The following DCC variants were observed in gnomAD, a reference collection of about 807,000 sequenced individuals.
The protein encoded by DCC is netrin receptor DCC.
DCC carries 58 observed loss-of-function variants against 172.5 expected under a neutral mutation model. The observed-to-expected ratio is 0.34, with a 90% CI of 0.27 to 0.42. DCC has a LOEUF of 0.42. DCC is among the 10% of genes least tolerant of loss of function. The pLI is 1.00. For synonymous variants in DCC, 709 were observed against 644.5 expected (o/e 1.10, Z -1.52); for missense variants, 1,740 against 1,791.0 (o/e 0.97, Z 0.51).
intron 15 of DCC, among the ~76,000 whole-genome samples, chr18:53,360,411 G>A (rs926317727): frequency 1.3e-5 from 2 of 152,008 alleles, no homozygotes; most frequent in African/African-American, 4.8e-5. Context: ...AGGTGAGTGG[G>A]TATATACAGC....
intron 2 of DCC, among the ~76,000 whole-genome samples, chr18:52,879,028 G>C (rs932838744): frequency 6.6e-6 from 1 of 151,846 alleles, no homozygotes; most frequent in Non-Finnish European, 1.5e-5. Flanking sequence ...GCAATTTTGG[G>C]GGAAGTGTAC....
chr18:52,516,355 G>A (rs1002373412), intron 1 of DCC, among the ~76,000 whole-genome samples: 7 of 152,132 alleles, frequency 4.6e-5, no homozygotes, highest in African/African-American at 1.2e-4. Flanking sequence ...GCAGGTAAGC[G>A]GTTAAGCAAA....
chr18:53,062,247 A>G (rs1445282020), intron 5 of DCC, among the ~76,000 whole-genome samples: 1 of 152,118 alleles, frequency 6.6e-6, no homozygotes, highest in Non-Finnish European at 1.5e-5. Context: ...TGGCCATCAA[A>G]GATTGGACAT....
At chr18:53,277,588 CT>C (rs1174622550) in intron 12 of DCC, among the ~76,000 whole-genome samples, 1 of 152,144 alleles carries the variant, frequency 6.6e-6, no homozygotes, top group East Asian at 1.9e-4. Context: ...CGTCTCCTCC[CT>C]TTTGCAGTTT....
intron 1 of DCC, among the ~76,000 whole-genome samples, chr18:52,405,634 A>G (rs1431560542): frequency 6.6e-6 from 1 of 151,174 alleles, no homozygotes; most frequent in Non-Finnish European, 1.5e-5. Flanking sequence ...GGACCTCTTC[A>G]AGGAGAACTA....
intron 1 of DCC, among the ~76,000 whole-genome samples, chr18:52,471,096 A>G (rs1228986334): frequency 6.6e-6 from 1 of 152,190 alleles, no homozygotes; most frequent in Non-Finnish European, 1.5e-5. Flanking sequence ...CATACTTGTA[A>G]TGCCAGCAGT....
rs182815828 is a variant in DCC at position 53,145,368 on chromosome 18, C to G, written c.1262-11988C>G. On this transcript the variant is annotated intron_variant, in intron 7 of 28. Coordinates refer to ENST00000442544, the MANE Select transcript of DCC (RefSeq NM_005215.4). ...GGCCTCGTGATCCGCCCGCCTCGGC[C>G]TCCCGAAGTGCTGGGATTACAGGCA... Among the ~76,000 whole-genome samples the G allele has an allele frequency of 5.6e-3, 855 of 152,124 alleles. 6 individuals carry two copies. Among genetic ancestry groups the G allele is most frequent in the Admixed American group, 0.023 (351 of 15,288 alleles).
chr18:52,846,608 AACACAC>A (rs71175524), intron 2 of DCC, among the ~76,000 whole-genome samples: 2,403 of 130,566 alleles, frequency 0.018, 40 homozygotes, highest in East Asian at 0.055. Context: ...TGCCACTCCA[AACACAC>A]ACACACACAC....
At chr18:53,140,849 G>A (rs952953932) in intron 7 of DCC, among the ~76,000 whole-genome samples, 1 of 152,066 alleles carries the variant, frequency 6.6e-6, no homozygotes, top group Non-Finnish European at 1.5e-5. Flanking sequence ...AGACATGATA[G>A]GTGGCTATTG....
chr18:53,114,447 C>T (rs1433150606), intron 7 of DCC, among the ~76,000 whole-genome samples: 1 of 151,584 alleles, frequency 6.6e-6, no homozygotes, highest in Non-Finnish European at 1.5e-5. Context: ...TAGAGTATCT[C>T]AGTATAAAGC....
chr18:53,131,953 A>ATTTTTTTTTTTTT (rs71175556), intron 7 of DCC, among the ~76,000 whole-genome samples: 18 of 58,278 alleles, frequency 3.1e-4, no homozygotes, highest in East Asian at 8.1e-4. Flanking sequence ...TCTCTAAGTG[A>ATTTTTTTTTTTTT]TTTTTTTTTT....
At chr18:52,635,623 AT>A (rs1317714923) in intron 1 of DCC, among the ~76,000 whole-genome samples, 1 of 152,224 alleles carries the variant, frequency 6.6e-6, no homozygotes, top group East Asian at 1.9e-4. Flanking sequence ...AGTTATCCAT[AT>A]TCCATAGAAC....
intron 2 of DCC, among the ~76,000 whole-genome samples, chr18:52,758,319 T>C (rs1483696135): frequency 6.6e-6 from 1 of 152,096 alleles, no homozygotes; most frequent in Non-Finnish European, 1.5e-5. Flanking sequence ...GTTTGCATAT[T>C]TTTTTTCTGC....
intron 1 of DCC, among the ~76,000 whole-genome samples, chr18:52,521,041 G>T (rs1268090999): frequency 1.3e-5 from 2 of 151,972 alleles, no homozygotes; most frequent in East Asian, 1.9e-4. Flanking sequence ...ATACATGGTG[G>T]TATATTTAAA....
intron 27 of DCC, among the ~76,000 whole-genome samples, chr18:53,507,433 A>ATGTT (rs777646255): frequency 4.6e-5 from 7 of 152,230 alleles, no homozygotes; most frequent in Non-Finnish European, 1.0e-4. Flanking sequence ...TTCGATTTGA[A>ATGTT]TGTTTATAAC....
chr18:52,390,983 C>T (rs1381376554), intron 1 of DCC, among the ~76,000 whole-genome samples: 1 of 151,992 alleles, frequency 6.6e-6, no homozygotes, highest in Admixed American at 6.5e-5. Context: ...CCTTTCACAT[C>T]TATGTAAGGG....
At chr18:53,098,101 G>T (rs748003984) in intron 7 of DCC, among the ~76,000 whole-genome samples, 2 of 151,984 alleles carry the variant, frequency 1.3e-5, no homozygotes, top group Non-Finnish European at 2.9e-5. Flanking sequence ...TTCACAACTA[G>T]AAATTGATTT....
At chr18:53,070,480 T>G (rs1424378855) in intron 7 of DCC, among the ~76,000 whole-genome samples, 3 of 152,206 alleles carry the variant, frequency 2.0e-5, no homozygotes, top group African/African-American at 7.2e-5. Flanking sequence ...ATTATAGATG[T>G]TCAATTTCAC....
chr18:53,029,708 C>G lies in DCC; in HGVS notation c.986-33597C>G, dbSNP rs1317001077. Among the ~76,000 whole-genome samples, 3 of 152,106 alleles carry G rather than the reference C, an allele frequency of 2.0e-5. No homozygotes were observed. In the East Asian group the frequency reaches 5.8e-4, roughly 29 times the overall value. ...TTTTGATTGAAGTAACCACAAAACC[C>G]TATCCTATCATTTTGAGGGGCTATT... On this transcript the variant is annotated intron_variant, in intron 5 of 28. Coordinates refer to ENST00000442544, the MANE Select transcript of DCC (RefSeq NM_005215.4).
Sources: gnomAD v4.1 joint callset for allele counts (sites outside exome capture counted in the v4.1 genomes callset) on GRCh38, gnomAD v4.1.1 for gene constraint, MANE v1.5 for transcripts, NCBI Gene and HGNC (gene_info 2026-07-23, HGNC 2026-07-21) for gene names.